The following DOK6 variants were observed in gnomAD, a reference collection of about 807,000 sequenced individuals.
DOK6 encodes downstream of tyrosine kinase 6.
In DOK6, 22 loss-of-function variants were observed where a neutral mutation model predicts 44.0. The observed-to-expected ratio is 0.50, with a 90% confidence interval of 0.36 to 0.71. DOK6 has a LOEUF of 0.71. Among genes scored for constraint, DOK6 ranks in the 30% least tolerant of loss-of-function variants. The pLI is 0.00. For missense variants in DOK6, 340 were observed against 416.4 expected (o/e 0.82, Z 1.60); for synonymous variants, 166 against 145.5 (o/e 1.14, Z -1.01).
intron 1 of DOK6, among the ~76,000 whole-genome samples, chr18:69,529,021 G>T (rs141636142): frequency 2.0e-5 from 3 of 152,296 alleles, no homozygotes; most frequent in African/African-American, 7.2e-5. Flanking sequence ...ACCTTGCAAT[G>T]AATACGGTTT....
chr18:69,551,878 C>T (rs1317908368), intron 1 of DOK6, among the ~76,000 whole-genome samples: 1 of 152,072 alleles, frequency 6.6e-6, no homozygotes, highest in Non-Finnish European at 1.5e-5. Flanking sequence ...TATTAATGTT[C>T]TTACGTTTAG....
At chr18:69,543,048 C>T (rs1982310341) in intron 1 of DOK6, among the ~76,000 whole-genome samples, 1 of 151,550 alleles carries the variant, frequency 6.6e-6, no homozygotes, top group Admixed American at 6.6e-5. Flanking sequence ...TAACTAAGTA[C>T]ATGAAGTAGA....
At chr18:69,655,975 T>C (rs561642964) in intron 3 of DOK6, among the ~76,000 whole-genome samples, 3 of 152,012 alleles carry the variant, frequency 2.0e-5, no homozygotes, top group East Asian at 3.9e-4. Flanking sequence ...AAAATGGTAA[T>C]TGCTGAAAAA....
intron 5 of DOK6, among the ~76,000 whole-genome samples, chr18:69,718,564 C>T (rs1009913137): frequency 2.1e-4 from 32 of 152,276 alleles, no homozygotes; most frequent in African/African-American, 7.7e-4. Context: ...AATTGTTTCT[C>T]TACCATTATG....
At chr18:69,533,560 T>G (rs1272164727) in intron 1 of DOK6, among the ~76,000 whole-genome samples, 2 of 152,124 alleles carry the variant, frequency 1.3e-5, no homozygotes, top group Non-Finnish European at 2.9e-5. Flanking sequence ...TTGTTTTATT[T>G]AAATGACTAA....
At chr18:69,699,824 A>G (rs1302554422) in intron 5 of DOK6, among the ~76,000 whole-genome samples, 3 of 152,124 alleles carry the variant, frequency 2.0e-5, no homozygotes, top group Non-Finnish European at 4.4e-5. Flanking sequence ...TACTGGCTTT[A>G]AAAAGGTAGT....
chr18:69,774,651 G>A (rs933042942), intron 7 of DOK6, among the ~76,000 whole-genome samples: 8 of 151,906 alleles, frequency 5.3e-5, no homozygotes, highest in African/African-American at 1.9e-4. Flanking sequence ...TGTAGGATAG[G>A]AGGAAATCAT....
chr18:69,689,752 A>T (rs976461929), intron 4 of DOK6, among the ~76,000 whole-genome samples: 2 of 152,204 alleles, frequency 1.3e-5, no homozygotes, highest in Admixed American at 6.5e-5. Flanking sequence ...GGACTGAATT[A>T]TTCAGCAAAT....
intron 7 of DOK6, among the ~76,000 whole-genome samples, chr18:69,798,418 G>A (rs1266667404): frequency 1.3e-5 from 2 of 152,048 alleles, no homozygotes; most frequent in Non-Finnish European, 2.9e-5. Context: ...AATTCATTAA[G>A]CTATCATTTA....
At chr18:69,484,229 T>C (rs7238632) in intron 1 of DOK6, among the ~76,000 whole-genome samples, 36,266 of 151,948 alleles carry the variant, frequency 0.24, 4,755 homozygotes, top group East Asian at 0.53. Context: ...GCATTTTGAT[T>C]AACTGGTTTC....
intron 7 of DOK6, among the ~76,000 whole-genome samples, chr18:69,772,593 G>A (rs1321937725): frequency 1.3e-5 from 2 of 152,016 alleles, no homozygotes; most frequent in Non-Finnish European, 2.9e-5. Context: ...CAGCAAGAGT[G>A]CCAAAAATAC....
At chr18:69,766,233 G>A (rs1979712685) in intron 7 of DOK6, among the ~76,000 whole-genome samples, 1 of 152,168 alleles carries the variant, frequency 6.6e-6, no homozygotes. Flanking sequence ...ACATAAGTAT[G>A]GCCATAGTAG....
intron 1 of DOK6, among the ~76,000 whole-genome samples, chr18:69,448,129 G>A (rs1944492970): frequency 1.3e-5 from 2 of 152,348 alleles, no homozygotes; most frequent in Non-Finnish European, 1.5e-5. Context: ...GAAAGTGGGA[G>A]ATGGTAGGCA....
chr18:69,570,518 A>C (rs1983089074), intron 2 of DOK6, among the ~76,000 whole-genome samples: 1 of 152,156 alleles, frequency 6.6e-6, no homozygotes, highest in South Asian at 2.1e-4. Flanking sequence ...GAAAGAAAAA[A>C]ATTTGAAAAA....
In DOK6 at chr18:69,428,139, T is replaced by A. The variant is rs561619100; in HGVS notation, c.66+26829T>A. 1.6e-4 allele frequency among the ~76,000 whole-genome samples: 25 copies of A among 152,230 alleles called. No homozygotes were observed. In the East Asian group the frequency reaches 4.1e-3, roughly 25 times the overall value. ...ATAGTTCCTCATGATCTTTACTTTGTCTTCATTGTACTGTACTAATAATTA... is the reference window on the plus strand; with the variant it reads ...ATAGTTCCTCATGATCTTTACTTTGACTTCATTGTACTGTACTAATAATTA... On this transcript the variant is annotated intron_variant, in intron 1 of 7. Transcript: ENST00000382713.
chr18:69,535,546 C>T (rs923594087), intron 1 of DOK6, among the ~76,000 whole-genome samples: 1 of 145,952 alleles, frequency 6.9e-6, no homozygotes, highest in Non-Finnish European at 1.5e-5. Context: ...AATGAACTTG[C>T]TATGAATTTT....
intron 7 of DOK6, among the ~76,000 whole-genome samples, chr18:69,827,489 ACTT>A (rs1981775066): frequency 6.6e-6 from 1 of 152,076 alleles, no homozygotes; most frequent in Admixed American, 6.5e-5. Context: ...CCCTAGGCAA[ACTT>A]CTTCTTTGGT....
chr18:69,495,985 C>A (rs139064518), intron 1 of DOK6, among the ~76,000 whole-genome samples: 395 of 152,344 alleles, frequency 2.6e-3, no homozygotes, highest in African/African-American at 8.8e-3. Context: ...GCAGCGAAAG[C>A]AGACACTTCT....
At chr18:69,550,914 G>A (rs573225627) in intron 1 of DOK6, among the ~76,000 whole-genome samples, 26 of 151,704 alleles carry the variant, frequency 1.7e-4, no homozygotes, top group Middle Eastern at 3.4e-3. Flanking sequence ...CTCCTGAGTC[G>A]CTGGGATTAT....
Sources: gnomAD v4.1 joint callset for allele counts (sites outside exome capture counted in the v4.1 genomes callset) on GRCh38, gnomAD v4.1.1 for gene constraint, MANE v1.5 for transcripts, NCBI Gene and HGNC (gene_info 2026-07-23, HGNC 2026-07-21) for gene names.